The following CAMTA1 variants were observed in gnomAD, a reference collection of about 807,000 sequenced individuals.
CAMTA1 encodes the protein calmodulin binding transcription activator 1.
A neutral mutation model predicts 170.9 loss-of-function variants in CAMTA1; 27 were observed. That is an observed-to-expected ratio of 0.16 (90% CI 0.12 to 0.22). The LOEUF (loss-of-function observed/expected upper bound fraction) is 0.22. CAMTA1 is among the 10% of genes least tolerant of loss of function. CAMTA1 has a pLI of 1.00. For missense variants in CAMTA1, 1,619 were observed against 2,217.2 expected, an observed-to-expected ratio of 0.73 and a Z score of 5.42; for synonymous variants, 833 against 891.5, an observed-to-expected ratio of 0.93 and a Z score of 1.17.
At position 7,216,667 on chromosome 1, in the gene CAMTA1, C is replaced by A. The variant is rs902995536; in HGVS notation, c.303-32824C>A. 1.3e-5 allele frequency among the ~76,000 whole-genome samples: 2 copies of A among 152,102 alleles called. No individual in the cohort carries two copies. The highest frequency in any genetic ancestry group is 2.9e-5 in the Non-Finnish European group (2 of 68,028). ...CTGAGACTACAGGCAGGTACCACCA[C>A]GCCTGGCTAATTTTTGTGTTTTTAG... On this transcript the variant is annotated intron_variant, in intron 4 of 22. Coordinates refer to ENST00000303635, the MANE Select transcript of CAMTA1 (RefSeq NM_015215.4). The surrounding 1 kb of genome is among the most constrained non-coding windows in gnomAD (Gnocchi z 4.0).
intron 6 of CAMTA1, among the ~76,000 whole-genome samples, chr1:7,542,918 G>A (rs188521855): frequency 5.8e-4 from 87 of 149,198 alleles, no homozygotes; most frequent in African/African-American, 2.0e-3. Context: ...AGGCTGGAGT[G>A]CAGTGGCGCG....
At chr1:7,417,477 C>T (rs2091264181) in intron 5 of CAMTA1, among the ~76,000 whole-genome samples, 1 of 108,924 alleles carries the variant, frequency 9.2e-6, no homozygotes. Flanking sequence ...TGGGCAATGG[C>T]AGGCGCCCAT....
intron 4 of CAMTA1, among the ~76,000 whole-genome samples, chr1:7,211,334 C>A (rs1658716538): frequency 6.6e-6 from 1 of 152,212 alleles, no homozygotes; most frequent in African/African-American, 2.4e-5. Context: ...GTGACTCAGA[C>A]CCCTATCAAG....
intron 4 of CAMTA1, among the ~76,000 whole-genome samples, chr1:7,187,065 A>G (rs533999959): frequency 6.6e-6 from 1 of 152,102 alleles, no homozygotes; most frequent in Non-Finnish European, 1.5e-5. Flanking sequence ...GATGGGGGGA[A>G]TATAGGATGG....
At chr1:7,211,123 A>G (rs1251139707) in intron 4 of CAMTA1, among the ~76,000 whole-genome samples, 1 of 152,230 alleles carries the variant, frequency 6.6e-6, no homozygotes, top group South Asian at 2.1e-4. Context: ...TCCACCCAGC[A>G]ATGCATCTTG....
chr1:6,893,667 G>T (rs1235316956), intron 3 of CAMTA1, among the ~76,000 whole-genome samples: 2 of 152,194 alleles, frequency 1.3e-5, no homozygotes, highest in East Asian at 3.9e-4. Context: ...GGAAGAGAGA[G>T]ACTAGGTGTG....
At chr1:7,559,124 C>T (rs1168827636) in intron 6 of CAMTA1, among the ~76,000 whole-genome samples, 7 of 152,194 alleles carry the variant, frequency 4.6e-5, no homozygotes, top group Non-Finnish European at 7.4e-5. Context: ...CGGCAGCTGG[C>T]ACCGGTGGTG....
chr1:7,112,342 C>G (rs1164370193), intron 4 of CAMTA1, among the ~76,000 whole-genome samples: 1 of 152,190 alleles, frequency 6.6e-6, no homozygotes, highest in African/African-American at 2.4e-5. Context: ...TAATAACACC[C>G]ATATTTCCAT....
intron 6 of CAMTA1, among the ~76,000 whole-genome samples, chr1:7,506,287 C>T (rs1415815493): frequency 3.9e-5 from 6 of 152,132 alleles, no homozygotes; most frequent in Admixed American, 1.3e-4. Flanking sequence ...GCCCTGAGCC[C>T]GGTTCCCAGA....
At chr1:7,467,764 C>T (rs72642857) in intron 5 of CAMTA1, 66 bp from the exon 6 acceptor site, 37,452 of 1,408,810 alleles carry the variant, frequency 0.027, 969 homozygotes, top group South Asian at 0.097. Context: ...TTCTCTGTTG[C>T]GCCGTCTTCC....
At chr1:7,645,809 C>T (rs2095799098) in intron 7 of CAMTA1, among the ~76,000 whole-genome samples, 1 of 152,394 alleles carries the variant, frequency 6.6e-6, no homozygotes, top group South Asian at 2.1e-4. Flanking sequence ...CCTACGCCCA[C>T]ACCACACAAG....
chr1:6,931,486 T>TTTTTA (rs933766490), intron 3 of CAMTA1, among the ~76,000 whole-genome samples: 3 of 152,290 alleles, frequency 2.0e-5, no homozygotes, highest in African/African-American at 7.2e-5. Flanking sequence ...GCCAGGCATT[T>TTTTTA]TTTTAAAGAA....
chr1:7,525,266 T>G (rs533009313), intron 6 of CAMTA1, among the ~76,000 whole-genome samples: 29 of 151,746 alleles, frequency 1.9e-4, no homozygotes, highest in African/African-American at 6.8e-4. Flanking sequence ...GTGGTGGTCC[T>G]CAGGCCCCCA....
intron 7 of CAMTA1, among the ~76,000 whole-genome samples, chr1:7,652,327 C>G (rs569461891): frequency 9.9e-5 from 15 of 152,184 alleles, no homozygotes; most frequent in African/African-American, 3.1e-4. Context: ...CCTGCTTGCT[C>G]TGATTTTCCA....
rs986857218 is a variant in CAMTA1 at position 7,010,644 on chromosome 1, T to C, written c.235-80660T>C. Among the ~76,000 whole-genome samples the C allele has an allele frequency of 3.3e-5, 5 of 152,152 alleles. No individual in the cohort carries two copies. The highest frequency in any genetic ancestry group is 7.4e-5 in the Non-Finnish European group (5 of 68,026). On this transcript the variant is annotated intron_variant, in intron 3 of 22. Transcript: ENST00000303635. This position sits in a 1 kb window ranked among gnomAD's most constrained non-coding sequence, Gnocchi z 4.4. ...CATGAGACACCACACAGAAGGCTCA[T>C]AGCATGGGGCCTGGCACCGAATAGG... is the stretch of plus-strand genomic sequence containing the variant.
intron 6 of CAMTA1, among the ~76,000 whole-genome samples, chr1:7,604,246 G>A (rs1165948277): frequency 6.6e-6 from 1 of 152,206 alleles, no homozygotes; most frequent in Non-Finnish European, 1.5e-5. Flanking sequence ...CTAGATTGGG[G>A]AAGTTCTCCT....
intron 3 of CAMTA1, among the ~76,000 whole-genome samples, chr1:7,074,050 T>C (rs374463652): frequency 1.3e-5 from 2 of 152,194 alleles, no homozygotes; most frequent in Non-Finnish European, 1.5e-5. Flanking sequence ...GCCTGTCTGA[T>C]TGAGGAGTGG....
intron 3 of CAMTA1, among the ~76,000 whole-genome samples, chr1:6,846,666 A>T (rs1658285948): frequency 6.6e-6 from 1 of 152,248 alleles, no homozygotes; most frequent in Non-Finnish European, 1.5e-5. Context: ...ATAATAATAA[A>T]GAATCATTAG....
At chr1:7,129,682 C>G (rs961787551) in intron 4 of CAMTA1, among the ~76,000 whole-genome samples, 19 of 152,230 alleles carry the variant, frequency 1.2e-4, no homozygotes, top group African/African-American at 4.6e-4. Flanking sequence ...TTAGAGTGTA[C>G]AATTTGATGA....
Sources: allele counts gnomAD v4.1 joint callset (sites outside exome capture counted in the v4.1 genomes callset), GRCh38; gene constraint gnomAD v4.1.1; non-coding constraint Gnocchi (gnomAD v3.1); transcripts MANE v1.5; gene names NCBI Gene and HGNC (gene_info 2026-07-23, HGNC 2026-07-21).